Variants in TENM2 observed in about 807,000 individuals in gnomAD.
TENM2 encodes the protein teneurin-2.
In TENM2, 52 loss-of-function variants were observed where a neutral mutation model predicts 245.2. That is an observed-to-expected ratio of 0.21 (90% CI 0.17 to 0.27). The LOEUF (loss-of-function observed/expected upper bound fraction) is 0.27. TENM2 is among the 10% of genes least tolerant of loss of function. The probability of loss-of-function intolerance (pLI) is 1.00; values close to 1 mark genes in which losing one functional copy is unlikely to be tolerated. For missense variants in TENM2, 3,046 were observed against 3,666.8 expected, an observed-to-expected ratio of 0.83 and a Z score of 4.37; for synonymous variants, 1,363 against 1,438.9, an observed-to-expected ratio of 0.95 and a Z score of 1.19.
intron 25 of TENM2, among the ~76,000 whole-genome samples, chr5:168,233,717 C>T (rs1581713553): frequency 6.6e-6 from 1 of 152,242 alleles, no homozygotes; most frequent in South Asian, 2.1e-4. Flanking sequence ...TAAAGACATA[C>T]CCAAGACTGG....
chr5:167,833,530 C>G (rs1430393311), intron 2 of TENM2, among the ~76,000 whole-genome samples: 1 of 152,200 alleles, frequency 6.6e-6, no homozygotes, highest in African/African-American at 2.4e-5. Flanking sequence ...AGTCACATGG[C>G]TCCTCCAAAG....
At chr5:167,802,550 TAGATG>T (rs1299369999) in intron 2 of TENM2, among the ~76,000 whole-genome samples, 2 of 152,166 alleles carry the variant, frequency 1.3e-5, no homozygotes, top group African/African-American at 4.8e-5. Flanking sequence ...GTGATCCTCT[TAGATG>T]GGAATGAATC....
chr5:167,548,615 G>T (rs559662199), intron 2 of TENM2, among the ~76,000 whole-genome samples: 1 of 152,090 alleles, frequency 6.6e-6, no homozygotes, highest in South Asian at 2.1e-4. Context: ...CACCAATTTT[G>T]TTTCATTCTA....
intron 1 of TENM2, among the ~76,000 whole-genome samples, chr5:167,338,325 G>A (rs950918901): frequency 5.3e-5 from 8 of 152,126 alleles, no homozygotes; most frequent in African/African-American, 1.4e-4. Flanking sequence ...ACAATGAAAA[G>A]TCTCAGTGAT....
chr5:166,987,137 A>G, the TENM2 span, among the ~76,000 whole-genome samples: 1 of 152,114 alleles, frequency 6.6e-6, no homozygotes, highest in East Asian at 1.9e-4. Context: ...TGATTTGTGT[A>G]TGTTCCCATA....
At chr5:168,256,215 T>C (rs1490579116) in intron 27 of TENM2, among the ~76,000 whole-genome samples, 1 of 151,748 alleles carries the variant, frequency 6.6e-6, no homozygotes, top group Non-Finnish European at 1.5e-5. Context: ...TATATATATG[T>C]CTATATGTAT....
chr5:167,088,118 A>G, the TENM2 span, among the ~76,000 whole-genome samples: 3 of 152,156 alleles, frequency 2.0e-5, no homozygotes, highest in African/African-American at 7.2e-5. Flanking sequence ...AGCTGGAGCA[A>G]GTCATGCTCA....
chr5:167,860,222 G>T, intron 2 of TENM2, among the ~76,000 whole-genome samples: 1 of 111,086 alleles, frequency 9.0e-6, no homozygotes, highest in Non-Finnish European at 2.0e-5. Flanking sequence ...CAGCCGCCCC[G>T]TCCGGGAGGG....
At chr5:167,398,361 CT>C (rs1373064025) in intron 2 of TENM2, among the ~76,000 whole-genome samples, 4 of 149,030 alleles carry the variant, frequency 2.7e-5, no homozygotes, top group Non-Finnish European at 6.0e-5. Context: ...TTCTTTCTTT[CT>C]TTCCTTTCTT....
chr5:167,577,469 G>C (rs1295704989), intron 2 of TENM2, among the ~76,000 whole-genome samples: 1 of 152,094 alleles, frequency 6.6e-6, no homozygotes, highest in East Asian at 1.9e-4. Flanking sequence ...TCTCTTTTCT[G>C]GGAGGAAAAA....
chr5:168,012,774 GAAA>G lies in TENM2; in HGVS notation c.1186+19613_1186+19615del, dbSNP rs3056563. Among the ~76,000 whole-genome samples the G allele has an allele frequency of 7.6e-3, 563 of 74,284 alleles. 7 individuals are homozygous for G. Among genetic ancestry groups the G allele is most frequent in the African/African-American group, 0.025 (485 of 19,464 alleles). The allele number at this position is 74,284 out of a possible 152,430, so 48.7% of individuals were successfully genotyped here. On this transcript the variant is annotated intron_variant, in intron 5 of 28. Coordinates refer to ENST00000518659, the Ensembl canonical transcript of TENM2. ...CAGCTGTAAGTTATCAAGAACAACT[GAAA>G]AAAAAAAAAAAAAAAAAAAACCCTA...
intron 2 of TENM2, among the ~76,000 whole-genome samples, chr5:167,733,578 G>C (rs1760586602): frequency 1.3e-5 from 2 of 152,044 alleles, no homozygotes; most frequent in African/African-American, 4.8e-5. Context: ...GCACAAACAG[G>C]GTAAGACTTG....
rs917670706 is a variant in TENM2 at position 167,928,773 on chromosome 5, G to A, written c.713-23815G>A. ...TAGCTAGATGTGGTGGTGCGTGCCT[G>A]TAGTCCCATCTACTCAAGAGGCTGA... On this transcript the variant is annotated intron_variant, in intron 3 of 28. Coordinates refer to ENST00000518659, the Ensembl canonical transcript of TENM2. 1.1e-4 allele frequency among the ~76,000 whole-genome samples: 17 copies of A among 150,930 alleles called. 1 individual carries two copies. Among genetic ancestry groups the A allele is most frequent in the Admixed American group, 8.6e-4 (13 of 15,056 alleles).
intron 4 of TENM2, among the ~76,000 whole-genome samples, chr5:167,977,895 C>T (rs981767805): frequency 1.3e-5 from 2 of 152,112 alleles, no homozygotes; most frequent in African/African-American, 4.8e-5. Flanking sequence ...GGAGGCGGGC[C>T]CTGGTGGGAG....
chr5:168,252,099 C>T (rs1026301671), intron 27 of TENM2, among the ~76,000 whole-genome samples: 4 of 152,144 alleles, frequency 2.6e-5, no homozygotes, highest in Admixed American at 6.5e-5. Context: ...AAGACTGGGC[C>T]AGGCATGGTG....
chr5:168,075,259 C>T (rs1025416755), intron 7 of TENM2, among the ~76,000 whole-genome samples: 6 of 152,132 alleles, frequency 3.9e-5, no homozygotes, highest in East Asian at 1.9e-4. Flanking sequence ...CTGTGAATGT[C>T]GTTATTTCAT....
At chr5:167,942,620 G>A (rs575560848) in intron 3 of TENM2, among the ~76,000 whole-genome samples, 14 of 152,250 alleles carry the variant, frequency 9.2e-5, no homozygotes, top group African/African-American at 3.1e-4. Context: ...GGTGGTCCCA[G>A]TTTTTTTCTA....
At chr5:167,534,542 C>A (rs1430653692) in intron 2 of TENM2, among the ~76,000 whole-genome samples, 1 of 152,062 alleles carries the variant, frequency 6.6e-6, no homozygotes. Flanking sequence ...ATCCAAAATC[C>A]AAATTTAACT....
intron 2 of TENM2, among the ~76,000 whole-genome samples, chr5:167,440,382 A>T (rs891714669): frequency 6.6e-6 from 1 of 152,188 alleles, no homozygotes; most frequent in Non-Finnish European, 1.5e-5. Flanking sequence ...ACTTCAGCCC[A>T]TTGGAAATGG....
Sources: gnomAD v4.1 joint callset for allele counts (sites outside exome capture counted in the v4.1 genomes callset) on GRCh38, gnomAD v4.1.1 for gene constraint, MANE v1.5 for transcripts, NCBI Gene and HGNC (gene_info 2026-07-23, HGNC 2026-07-21) for gene names.